Variants in ENOX1 observed in about 807,000 individuals in gnomAD.
The protein encoded by ENOX1 is ecto-NOX disulfide-thiol exchanger 1.
In ENOX1, 42 loss-of-function variants were observed where a neutral mutation model predicts 82.5. That is an observed-to-expected ratio of 0.51 (90% CI 0.40 to 0.66). The LOEUF (loss-of-function observed/expected upper bound fraction) is 0.66, where lower values mean the gene tolerates loss of function less well. ENOX1 is among the 30% of genes least tolerant of loss of function. The probability of loss-of-function intolerance (pLI) is 0.00; values close to 1 mark genes in which losing one functional copy is unlikely to be tolerated. For synonymous variants in ENOX1, 271 were observed against 282.2 expected (o/e 0.96, Z 0.40); for missense variants, 608 against 811.6 (o/e 0.75, Z 3.05).
intron 12 of ENOX1, among the ~76,000 whole-genome samples, chr13:43,273,734 C>T (rs142863876): frequency 1.4e-4 from 22 of 152,298 alleles, no homozygotes; most frequent in Middle Eastern, 3.4e-3. Flanking sequence ...CTACGAAATG[C>T]GGTAGCCTTG....
At chr13:43,534,894 C>T (rs1010734923) in intron 2 of ENOX1, among the ~76,000 whole-genome samples, 3 of 152,178 alleles carry the variant, frequency 2.0e-5, no homozygotes, top group African/African-American at 7.2e-5. Context: ...TTAAGAAATC[C>T]TGTCCCAGTC....
chr13:43,643,545 A>G (rs1194942251), intron 2 of ENOX1, among the ~76,000 whole-genome samples: 2 of 151,898 alleles, frequency 1.3e-5, no homozygotes, highest in African/African-American at 4.8e-5. Flanking sequence ...ATTTAACCCA[A>G]TCTCCACTAA....
intron 14 of ENOX1, among the ~76,000 whole-genome samples, chr13:43,261,129 GT>G (rs2044032651): frequency 1.3e-5 from 2 of 152,194 alleles, no homozygotes; most frequent in African/African-American, 4.8e-5. Flanking sequence ...GGGTGTGTCT[GT>G]TTTGAGACCT....
chr13:43,613,283 G>T (rs1369956741), intron 2 of ENOX1, among the ~76,000 whole-genome samples: 2 of 152,208 alleles, frequency 1.3e-5, no homozygotes, highest in East Asian at 3.9e-4. Flanking sequence ...TTTCTAGGAA[G>T]TCTATTGTAT....
intron 5 of ENOX1, among the ~76,000 whole-genome samples, chr13:43,386,440 G>T (rs148550691): frequency 1.8e-3 from 274 of 152,200 alleles, no homozygotes; most frequent in African/African-American, 5.9e-3. Flanking sequence ...TTCAGCCTGG[G>T]AACACTCTTC....
intron 2 of ENOX1, among the ~76,000 whole-genome samples, chr13:43,507,654 T>C (rs1343317608): frequency 6.6e-6 from 1 of 152,100 alleles, no homozygotes; most frequent in East Asian, 1.9e-4. Flanking sequence ...GCTTCAGCAG[T>C]AAATAAAATT....
chr13:43,370,329 TG>T (rs1190667216), intron 5 of ENOX1, among the ~76,000 whole-genome samples: 1 of 151,876 alleles, frequency 6.6e-6, no homozygotes, highest in Non-Finnish European at 1.5e-5. Context: ...ATCGCGCCAC[TG>T]CAGTCCAGCC....
At chr13:43,712,063 T>G (rs2087760200) in intron 1 of ENOX1, among the ~76,000 whole-genome samples, 1 of 151,920 alleles carries the variant, frequency 6.6e-6, no homozygotes, top group African/African-American at 2.4e-5. Flanking sequence ...AGATCTAACA[T>G]TTAAGTCTTT....
intron 2 of ENOX1, among the ~76,000 whole-genome samples, chr13:43,642,771 C>T (rs1325598144): frequency 6.6e-6 from 1 of 152,330 alleles, no homozygotes; most frequent in African/African-American, 2.4e-5. Flanking sequence ...GTGTAGACAA[C>T]GTGCTATAGC....
At chr13:43,385,370 A>C (rs2153578120) in intron 5 of ENOX1, among the ~76,000 whole-genome samples, 1 of 152,258 alleles carries the variant, frequency 6.6e-6, no homozygotes, top group Non-Finnish European at 1.5e-5. Flanking sequence ...CCTATTTTGT[A>C]AAGGGGCAGA....
chr13:43,304,288 T>C (rs2046744353), intron 11 of ENOX1, among the ~76,000 whole-genome samples: 1 of 152,240 alleles, frequency 6.6e-6, no homozygotes, highest in African/African-American at 2.4e-5. Context: ...TTACACAGTA[T>C]CCTTTCACCA....
Position 43,284,410 on chromosome 13 carries a change from T to C in ENOX1, c.1446+13936A>G, listed in dbSNP as rs1022588106. On this transcript the variant is annotated intron_variant, in intron 12 of 16. Transcript: ENST00000690772. The stretch of plus-strand genomic sequence containing the variant: ...ATGACTCAGTATAAAATGTAAATCA[T>C]GGGTGGAAATATACATATCTTAATA... Among the ~76,000 whole-genome samples, 8 of 152,258 alleles carry C rather than the reference T, an allele frequency of 5.3e-5. No homozygotes were observed. In the South Asian group the frequency reaches 1.7e-3, roughly 32 times the overall value.
intron 3 of ENOX1, among the ~76,000 whole-genome samples, chr13:43,478,364 AT>A (rs1371880131): frequency 6.6e-6 from 1 of 152,060 alleles, no homozygotes; most frequent in South Asian, 2.1e-4. Context: ...TAAAGCTAAT[AT>A]TTATTCTTCC....
At chr13:43,503,560 G>A (rs1873386009) in intron 2 of ENOX1, among the ~76,000 whole-genome samples, 1 of 151,636 alleles carries the variant, frequency 6.6e-6, no homozygotes, top group Non-Finnish European at 1.5e-5. Context: ...GCAAAGTAGA[G>A]AATCCAGAAT....
intron 5 of ENOX1, among the ~76,000 whole-genome samples, chr13:43,374,612 T>G (rs2051491122): frequency 1.3e-5 from 2 of 152,256 alleles, no homozygotes; most frequent in Non-Finnish European, 2.9e-5. Flanking sequence ...AGGTACTTCA[T>G]TCAGGGGTCT....
At chr13:43,659,750 G>A (rs1470628730) in intron 2 of ENOX1, among the ~76,000 whole-genome samples, 5 of 152,074 alleles carry the variant, frequency 3.3e-5, no homozygotes, top group African/African-American at 9.7e-5. Flanking sequence ...CAGTATCCTT[G>A]AGTTCTATTT....
intron 1 of ENOX1, among the ~76,000 whole-genome samples, chr13:43,687,886 C>A (rs1410253147): frequency 6.6e-6 from 1 of 152,112 alleles, no homozygotes; most frequent in Non-Finnish European, 1.5e-5. Flanking sequence ...AGACAACATA[C>A]CTTTTACATT....
At chr13:43,279,629 G>A (rs970931590) in intron 12 of ENOX1, among the ~76,000 whole-genome samples, 13 of 152,182 alleles carry the variant, frequency 8.5e-5, no homozygotes, top group African/African-American at 3.1e-4. Context: ...ACTTACCAGT[G>A]GGATATTGTA....
chr13:43,221,003 A>T (rs1389216528), intron 16 of ENOX1, among the ~76,000 whole-genome samples: 1 of 152,208 alleles, frequency 6.6e-6, no homozygotes, highest in Non-Finnish European at 1.5e-5. Flanking sequence ...GAGGTATGCT[A>T]TTAGTACAGA....
Sources: gnomAD v4.1 joint callset for allele counts (sites outside exome capture counted in the v4.1 genomes callset) on GRCh38, gnomAD v4.1.1 for gene constraint, MANE v1.5 for transcripts, NCBI Gene and HGNC (gene_info 2026-07-23, HGNC 2026-07-21) for gene names.